MCTP2: variants seen among roughly 807,000 people sequenced by gnomAD.
MCTP2 encodes the protein multiple C2 and transmembrane domain containing 2, also known as multiple C2 and transmembrane domain-containing protein 2.
In MCTP2, 132 loss-of-function variants were observed where a neutral mutation model predicts 111.6. The observed-to-expected ratio is 1.18, with a 90% CI of 1.03 to 1.37. The LOEUF is 1.37. Among genes scored for constraint, MCTP2 ranks in the 40% most tolerant of loss-of-function variants. The pLI is 0.00. For missense variants in MCTP2, 1,183 were observed against 1,067.9 expected (o/e 1.11, Z -1.50); for synonymous variants, 395 against 387.7 (o/e 1.02, Z -0.22).
intron 1 of MCTP2, among the ~76,000 whole-genome samples, chr15:94,247,739 A>G (rs897827835): frequency 2.0e-5 from 3 of 152,204 alleles, no homozygotes; most frequent in Admixed American, 2.0e-4. Flanking sequence ...ATAAATATGT[A>G]TTACACAACA....
intron 8 of MCTP2, among the ~76,000 whole-genome samples, chr15:94,350,741 T>C (rs1370523456): frequency 6.6e-6 from 1 of 152,202 alleles, no homozygotes; most frequent in Non-Finnish European, 1.5e-5. Flanking sequence ...AGCAGGATTA[T>C]ACAAGTAAAT....
chr15:94,340,791 A>G, intron 6 of MCTP2, 22 bp from the exon 7 acceptor site: 1 of 1,477,308 alleles, frequency 6.8e-7, no homozygotes, highest in Non-Finnish European at 9.4e-7. Flanking sequence ...TGGTAGCATT[A>G]TTTGTTGCTT....
intron 20 of MCTP2, among the ~76,000 whole-genome samples, chr15:94,464,999 G>A (rs1406105124): frequency 6.6e-6 from 1 of 151,948 alleles, no homozygotes; most frequent in African/African-American, 2.4e-5. Flanking sequence ...TATTTGTACT[G>A]ATTTGTTTTT....
intron 20 of MCTP2, among the ~76,000 whole-genome samples, chr15:94,467,024 T>TAACACTTATTA (rs1283926340): frequency 1.3e-5 from 2 of 152,212 alleles, no homozygotes; most frequent in Non-Finnish European, 2.9e-5. Context: ...TGAGGGTAGC[T>TAACACTTATTA]AACACTTATT....
intron 21 of MCTP2, among the ~76,000 whole-genome samples, chr15:94,473,365 G>A (rs1360225585): frequency 6.6e-6 from 1 of 152,160 alleles, no homozygotes; most frequent in Non-Finnish European, 1.5e-5. Flanking sequence ...GCTCTATATA[G>A]ATGACATTTT....
intron 1 of MCTP2, among the ~76,000 whole-genome samples, chr15:94,239,672 T>G (rs778648570): frequency 6.6e-6 from 1 of 152,248 alleles, no homozygotes; most frequent in Non-Finnish European, 1.5e-5. Flanking sequence ...AGGTAGAATT[T>G]ATCTGACATT....
intron 1 of MCTP2, among the ~76,000 whole-genome samples, chr15:94,244,526 T>A (rs1012215408): frequency 1.2e-4 from 16 of 137,666 alleles, no homozygotes; most frequent in East Asian, 6.7e-4. Context: ...ATATTTATAT[T>A]CGTATATGTA....
intron 1 of MCTP2, among the ~76,000 whole-genome samples, chr15:94,275,367 A>T (rs1189732820): frequency 6.6e-6 from 1 of 152,208 alleles, no homozygotes; most frequent in African/African-American, 2.4e-5. Context: ...ATCTGAAAAT[A>T]GTTACCAAAA....
chr15:94,422,736 C>G (rs1295434608), intron 17 of MCTP2, among the ~76,000 whole-genome samples: 2 of 152,340 alleles, frequency 1.3e-5, no homozygotes, highest in South Asian at 4.1e-4. Context: ...AGCCGTTGCT[C>G]TATGAACCAG....
intron 17 of MCTP2, among the ~76,000 whole-genome samples, chr15:94,409,558 C>G (rs1181002346): frequency 6.6e-6 from 1 of 152,098 alleles, no homozygotes; most frequent in Non-Finnish European, 1.5e-5. Flanking sequence ...CTAATTCACT[C>G]TGCTTTCCAG....
intron 7 of MCTP2, 158 bp downstream of exon 7, chr15:94,341,082 A>G: frequency 1.8e-6 from 1 of 561,784 alleles, no homozygotes; most frequent in Non-Finnish European, 3.2e-6. Context: ...CTGTTTTTTA[A>G]TACAATGCTC....
Position 94,277,978 on chromosome 15 carries a change from C to T in MCTP2, c.-65-20223C>T, listed in dbSNP as rs549339858. Among the ~76,000 whole-genome samples the T allele has an allele frequency of 3.0e-4, 45 of 152,228 alleles. 1 individual carries two copies. Among genetic ancestry groups the T allele is most frequent in the African/African-American group, 1.0e-3 (43 of 41,536 alleles). ...GCAGAGGAAATCTCTATACTTTCTA[C>T]ACGATGTCTTTGTAAATCTAAAACT... On this transcript the variant is annotated intron_variant, in intron 1 of 22. Transcript: ENST00000357742.
rs1056983040 is a variant in MCTP2 at position 94,482,233 on chromosome 15, T to C, written c.*3199T>C. Reference sequence around the variant, plus strand: ...TGCTCAGATTTAAGTTTGAAAAATATTCTAGCTGCAATGGATAGCCTAGCA... The same window carrying C: ...TGCTCAGATTTAAGTTTGAAAAATACTCTAGCTGCAATGGATAGCCTAGCA... On this transcript the variant is annotated 3_prime_UTR_variant, in exon 23 of 23. Coordinates refer to ENST00000357742, the MANE Select transcript of MCTP2 (RefSeq NM_001385001.1). 6 of 152,228 alleles carry C rather than the reference T, an allele frequency of 3.9e-5. No homozygotes were observed. The highest frequency in any genetic ancestry group is 1.2e-4 in the African/African-American group (5 of 41,456). 9.4% of individuals were successfully genotyped at this position (152,228 alleles called of 1,614,324 possible).
intron 1 of MCTP2, among the ~76,000 whole-genome samples, chr15:94,266,071 C>T (rs534575189): frequency 1.0e-4 from 6 of 59,774 alleles, no homozygotes; most frequent in South Asian, 7.5e-4. Flanking sequence ...CACGTGCATG[C>T]GTGTGCGCGC....
intron 2 of MCTP2, among the ~76,000 whole-genome samples, chr15:94,312,286 G>A (rs1372896932): frequency 6.6e-6 from 1 of 152,216 alleles, no homozygotes; most frequent in Non-Finnish European, 1.5e-5. Context: ...TTGATATTGG[G>A]AAATTCAGTA....
intron 18 of MCTP2, among the ~76,000 whole-genome samples, chr15:94,440,780 T>C (rs954007102): frequency 6.6e-6 from 1 of 152,072 alleles, no homozygotes; most frequent in Non-Finnish European, 1.5e-5. Flanking sequence ...AATCAGAGAG[T>C]GGGTGGGCTT....
intron 1 of MCTP2, among the ~76,000 whole-genome samples, 194 bp from the exon 2 acceptor site, chr15:94,298,007 A>T (rs943255339): frequency 1.3e-5 from 2 of 151,538 alleles, no homozygotes; most frequent in Non-Finnish European, 2.9e-5. Context: ...AAATTCTTTT[A>T]AAAAGTTCTT....
intron 2 of MCTP2, among the ~76,000 whole-genome samples, chr15:94,301,905 C>A (rs1274417799): frequency 6.6e-6 from 1 of 150,382 alleles, no homozygotes; most frequent in Non-Finnish European, 1.5e-5. Context: ...GAATTGGTTC[C>A]TCTGTGTTTT....
At chr15:94,404,118 G>A (rs2081765815) in intron 17 of MCTP2, among the ~76,000 whole-genome samples, 2 of 152,134 alleles carry the variant, frequency 1.3e-5, no homozygotes, top group Admixed American at 1.3e-4. Flanking sequence ...AAATACCGCA[G>A]CCATAACGTG....
Sources: gnomAD v4.1 joint callset for allele counts (sites outside exome capture counted in the v4.1 genomes callset) on GRCh38, gnomAD v4.1.1 for gene constraint, MANE v1.5 for transcripts, NCBI Gene and HGNC (gene_info 2026-07-23, HGNC 2026-07-21) for gene names.